RBMS3: variants seen among roughly 807,000 people sequenced by gnomAD.
RBMS3 encodes RNA binding motif single stranded interacting protein 3.
RBMS3 carries 27 observed loss-of-function variants against 66.8 expected under a neutral mutation model. That is an observed-to-expected ratio of 0.40 (90% CI 0.30 to 0.56). The LOEUF (loss-of-function observed/expected upper bound fraction) is 0.56. RBMS3 is among the 20% of genes least tolerant of loss of function. The pLI, the probability that RBMS3 is intolerant of heterozygous loss-of-function variation, is 0.40. For synonymous variants in RBMS3, 188 were observed against 183.0 expected (o/e 1.03, Z -0.22); for missense variants, 513 against 549.5 (o/e 0.93, Z 0.66).
Position 29,734,865 on chromosome 3 carries a change from T to C in RBMS3, c.400-4855T>C, listed in dbSNP as rs2054309375. On this transcript the variant is annotated intron_variant, in intron 4 of 14. Transcript: ENST00000383767. ...TTTATTTTATTTTCTATTAATTTATTTTTCTTATATTCTACAAATATATTG... is the reference window on the plus strand; with the variant it reads ...TTTATTTTATTTTCTATTAATTTATCTTTCTTATATTCTACAAATATATTG... 2.6e-5 allele frequency among the ~76,000 whole-genome samples: 4 copies of C among 152,260 alleles called. No individual in the cohort carries two copies. The South Asian group carries it at 6.2e-4, about 24-fold the overall frequency.
At chr3:29,914,038 A>G (rs1251909831) in intron 10 of RBMS3, among the ~76,000 whole-genome samples, 1 of 151,964 alleles carries the variant, frequency 6.6e-6, no homozygotes, top group Non-Finnish European at 1.5e-5. Context: ...TATATGCTGA[A>G]AGCTGACCTC....
intron 4 of RBMS3, among the ~76,000 whole-genome samples, chr3:29,629,680 C>G (rs1467785469): frequency 1.3e-5 from 2 of 152,024 alleles, no homozygotes; most frequent in Non-Finnish European, 2.9e-5. Context: ...TGAATTTTCT[C>G]TAAGGCCAAA....
intron 1 of RBMS3, among the ~76,000 whole-genome samples, chr3:29,427,388 C>G (rs2040999336): frequency 1.3e-5 from 2 of 152,188 alleles, no homozygotes; most frequent in African/African-American, 2.4e-5. Flanking sequence ...CATATTCACC[C>G]TCATTTAAGG....
chr3:29,891,504 T>A (rs541523680), intron 8 of RBMS3, among the ~76,000 whole-genome samples: 7 of 151,672 alleles, frequency 4.6e-5, no homozygotes, highest in African/African-American at 1.7e-4. Context: ...CTCTAATTTG[T>A]TTTTACTATT....
At chr3:29,474,476 G>GA (rs1317171161) in intron 2 of RBMS3, among the ~76,000 whole-genome samples, 1 of 152,150 alleles carries the variant, frequency 6.6e-6, no homozygotes. Flanking sequence ...GGATGTAGCA[G>GA]AAAAAAGATT....
intron 2 of RBMS3, among the ~76,000 whole-genome samples, chr3:29,446,860 T>C (rs1575837641): frequency 6.6e-6 from 1 of 150,900 alleles, no homozygotes; most frequent in South Asian, 2.1e-4. Flanking sequence ...GTTTTTTACA[T>C]AGCATATATT....
At chr3:29,577,628 C>T (rs889835312) in intron 3 of RBMS3, among the ~76,000 whole-genome samples, 1 of 152,168 alleles carries the variant, frequency 6.6e-6, no homozygotes, top group African/African-American at 2.4e-5. Context: ...TAGGTCTGGT[C>T]CAAATGCTCC....
chr3:29,652,254 T>C (rs62234903), intron 4 of RBMS3, among the ~76,000 whole-genome samples: 7,921 of 152,222 alleles, frequency 0.052, 457 homozygotes, highest in East Asian at 0.31. Context: ...GTCTGGTTTT[T>C]ATACATATAA....
chr3:29,656,237 C>G (rs2050323285), intron 4 of RBMS3, among the ~76,000 whole-genome samples: 1 of 152,180 alleles, frequency 6.6e-6, no homozygotes, highest in Non-Finnish European at 1.5e-5. Flanking sequence ...CATTCACCAC[C>G]CAGTCACTGG....
At chr3:29,435,073 A>C in intron 2 of RBMS3, 158 bp downstream of exon 2, 1 of 804,804 alleles carries the variant, frequency 1.2e-6, no homozygotes, top group Non-Finnish European at 1.9e-6. Context: ...ATGCTAGTTT[A>C]TTTTGGGGAG....
intron 6 of RBMS3, among the ~76,000 whole-genome samples, chr3:29,763,234 A>T (rs2149383792): frequency 6.6e-6 from 1 of 152,220 alleles, no homozygotes; most frequent in South Asian, 2.1e-4. Flanking sequence ...ACCATAGCAA[A>T]GAATAGTTAA....
At chr3:29,639,142 G>A (rs543879682) in intron 4 of RBMS3, among the ~76,000 whole-genome samples, 9 of 151,830 alleles carry the variant, frequency 5.9e-5, no homozygotes, top group East Asian at 3.9e-4. Flanking sequence ...CTTTAGGCAC[G>A]TTTACATGGT....
chr3:29,535,894 T>C (rs1469382558), intron 3 of RBMS3, among the ~76,000 whole-genome samples: 1 of 151,946 alleles, frequency 6.6e-6, no homozygotes, highest in Non-Finnish European at 1.5e-5. Flanking sequence ...TTATTTATGG[T>C]CTATTCAGAG....
intron 2 of RBMS3, among the ~76,000 whole-genome samples, chr3:29,442,167 T>G (rs2041650281): frequency 6.6e-6 from 1 of 152,214 alleles, no homozygotes; most frequent in South Asian, 2.1e-4. Context: ...AGCAAGAAAC[T>G]CTTCCTATTT....
Position 29,341,985 on chromosome 3 carries a change from G to T in RBMS3, c.75+60229G>T, listed in dbSNP as rs78324101. On this transcript the variant is annotated intron_variant, in intron 1 of 14. Coordinates refer to ENST00000383767, the MANE Select transcript of RBMS3 (RefSeq NM_001003793.3). ...TCGAATGTGCAACCTCACCCCTCTT[G>T]CTTGATCTTCATAAAACATCATGTA... Among the ~76,000 whole-genome samples, 654 of 152,136 alleles carry T rather than the reference G, an allele frequency of 4.3e-3. 3 individuals are homozygous for T. The highest frequency in any genetic ancestry group is 0.014 in the African/African-American group (591 of 41,496).
intron 6 of RBMS3, among the ~76,000 whole-genome samples, chr3:29,824,738 C>A (rs980318062): frequency 2.6e-5 from 4 of 152,048 alleles, no homozygotes; most frequent in Admixed American, 2.6e-4. Flanking sequence ...ACCTATATAA[C>A]AAATTCCAAT....
intron 4 of RBMS3, among the ~76,000 whole-genome samples, chr3:29,612,078 T>C (rs535702314): frequency 1.3e-5 from 2 of 152,146 alleles, no homozygotes; most frequent in South Asian, 2.1e-4. Flanking sequence ...ATAATATCTA[T>C]GTCATAGGGT....
intron 3 of RBMS3, among the ~76,000 whole-genome samples, chr3:29,501,042 T>C (rs1412291667): frequency 1.3e-5 from 2 of 152,200 alleles, no homozygotes; most frequent in East Asian, 3.8e-4. Context: ...AACCGAAAAG[T>C]CCTGGGGAAG....
At chr3:29,990,537 T>C (rs889701995) in intron 13 of RBMS3, among the ~76,000 whole-genome samples, 4 of 151,560 alleles carry the variant, frequency 2.6e-5, no homozygotes, top group Admixed American at 6.6e-5. Context: ...TGTTGTTTTC[T>C]TAAAACTTCT....
Sources: gnomAD v4.1 joint callset for allele counts (sites outside exome capture counted in the v4.1 genomes callset) on GRCh38, gnomAD v4.1.1 for gene constraint, MANE v1.5 for transcripts, NCBI Gene and HGNC (gene_info 2026-07-23, HGNC 2026-07-21) for gene names.